The following NELFA variants were observed in gnomAD, a reference collection of about 807,000 sequenced individuals.
NELFA encodes negative elongation factor complex member A.
Under a neutral mutation model 51.8 loss-of-function variants are expected in NELFA, and 35 were observed. The observed-to-expected ratio is 0.68, with a 90% CI of 0.52 to 0.90. The LOEUF (loss-of-function observed/expected upper bound fraction) is 0.90. NELFA is among the 40% of genes least tolerant of loss of function. NELFA has a pLI of 0.00. For missense variants in NELFA, 658 were observed against 746.4 expected, an observed-to-expected ratio of 0.88 and a Z score of 1.38; for synonymous variants, 417 against 338.4, an observed-to-expected ratio of 1.23 and a Z score of -2.55.
chr4:2,005,078 G>T (rs1339082107), intron 1 of NELFA, among the ~76,000 whole-genome samples: 1 of 151,960 alleles, frequency 6.6e-6, no homozygotes, highest in East Asian at 1.9e-4. Flanking sequence ...AAAGTGCTGG[G>T]ATTACAGGTG....
In NELFA at chr4:1,984,879, G is replaced by A. The variant is rs369737355; in HGVS notation, c.965C>T (p.Thr322Met). 49 of 1,580,390 alleles carry A rather than the reference G, an allele frequency of 3.1e-5. No homozygotes were observed. Among genetic ancestry groups the A allele is most frequent in the South Asian group, 4.7e-5 (4 of 85,808 alleles). Residue 322 changes from threonine to methionine, a missense_variant, in exon 8 of 11, where the codon ACG (threonine) becomes ATG (methionine). Physicochemically the swap from Thr to Met is moderately conservative, Grantham distance 81 (BLOSUM62 -1). Around this residue, in one of 3 missense-constraint regions of NELFA, gnomAD observed 200 missense variants for 167.9 expected, o/e 1.19. Transcript: ENST00000382882. The part of the protein sequence containing the change: ...SLNNEPALPS[T>M]SYLPSTPSVV... Reference sequence around the variant, plus strand: ...GCTGGGCGTGGAGGGAAGGTAGCTCGTGGAGGGCAGCGCAGGCTCATTGTT... The same window carrying A: ...GCTGGGCGTGGAGGGAAGGTAGCTCATGGAGGGCAGCGCAGGCTCATTGTT...
At chr4:1,988,366 G>A (rs1560864474) in intron 3 of NELFA, among the ~76,000 whole-genome samples, 2 of 152,236 alleles carry the variant, frequency 1.3e-5, no homozygotes, top group Non-Finnish European at 2.9e-5. Flanking sequence ...CAGCAGGCAC[G>A]GTCTAGATAC....
At chr4:1,996,723 G>C (rs1409977058) in intron 1 of NELFA, among the ~76,000 whole-genome samples, 1 of 152,228 alleles carries the variant, frequency 6.6e-6, no homozygotes, top group East Asian at 1.9e-4. Context: ...CTTGAGGTCA[G>C]GAGCTTGAGA....
rs1191094588 is a variant in NELFA at position 1,991,537 on chromosome 4, A to C, written c.382+7T>G. On this transcript the variant is annotated splice_region_variant and intron_variant, in intron 2 of 10. Coordinates refer to ENST00000382882, the MANE Select transcript of NELFA (RefSeq NM_005663.5). ...CACCCAACATGAATTAAAGCAGCAC[A>C]ACATACCCTTTTCTCTAAGTTCTCC... 2.5e-6 allele frequency: 4 copies of C among 1,613,802 alleles called. No homozygotes were observed. The highest frequency in any genetic ancestry group is 3.4e-6 in the Non-Finnish European group (4 of 1,179,956).
intron 1 of NELFA, among the ~76,000 whole-genome samples, chr4:2,005,616 C>G (rs1172257082): frequency 2.0e-5 from 3 of 152,212 alleles, no homozygotes; most frequent in South Asian, 4.1e-4. Context: ...CACCTGAGCT[C>G]AGGAGGAGGA....
chr4:1,993,638 T>C (rs1345336013), intron 1 of NELFA, among the ~76,000 whole-genome samples: 2 of 151,592 alleles, frequency 1.3e-5, no homozygotes, highest in Non-Finnish European at 2.9e-5. Flanking sequence ...AGAAAATGCT[T>C]GGCTTACACA....
chr4:2,000,701 T>G (rs1390546712), intron 1 of NELFA, among the ~76,000 whole-genome samples: 1 of 152,196 alleles, frequency 6.6e-6, no homozygotes, highest in Non-Finnish European at 1.5e-5. Flanking sequence ...GACTCACAGC[T>G]GAATTCCACC....
Position 1,984,130 on chromosome 4 carries a change from G to T in NELFA, c.1037-17C>A. ...AAGATGGGGCTGCAAGTAGACCGGG[G>T]CCTGGTGAGGGGGCTGGACCCCCAC... On this transcript the variant is annotated splice_polypyrimidine_tract_variant and intron_variant, in intron 8 of 10. Coordinates refer to ENST00000382882, the MANE Select transcript of NELFA (RefSeq NM_005663.5). 2 of 1,528,446 alleles carry T rather than the reference G, an allele frequency of 1.3e-6. No individual in the cohort carries two copies. The highest frequency in any genetic ancestry group is 2.3e-5 in the East Asian group (1 of 43,510). 94.7% of individuals were successfully genotyped at this position (1,528,446 alleles called of 1,614,324 possible).
In NELFA at chr4:1,989,698, G is replaced by C; in HGVS notation, c.544+10C>G. 1 of 1,611,872 alleles carries C rather than the reference G, an allele frequency of 6.2e-7. No homozygotes were observed. The highest frequency in any genetic ancestry group is 8.5e-7 in the Non-Finnish European group (1 of 1,179,168). ...AAAGACAATGCCCGATGGCGGCCGC[G>C]GCCACTCACACTTCTGCAGCAGCTC... On this transcript the variant is annotated intron_variant, in intron 3 of 10. Transcript: ENST00000382882. This position sits in a 1 kb window ranked among gnomAD's most constrained non-coding sequence, Gnocchi z 4.8.
At chr4:1,990,448 AGT>A in intron 2 of NELFA, 1 of 456,706 alleles carries the variant, frequency 2.2e-6, no homozygotes, top group Non-Finnish European at 4.4e-6. Flanking sequence ...GGCACATGAG[AGT>A]TCACCGGCCT....
intron 2 of NELFA, chr4:1,990,476 C>A (rs774731001): frequency 3.1e-5 from 14 of 456,582 alleles, no homozygotes; most frequent in South Asian, 1.7e-4. Context: ...TTCCTGCCCG[C>A]GGGACACTCC....
rs373381035 is a variant in NELFA at position 1,986,498 on chromosome 4, C to T, written c.635-96G>A. On this transcript the variant is annotated intron_variant, in intron 4 of 10. Transcript: ENST00000382882. ...GTCCCACCCTCTTCTAGGCTAGCGC[C>T]GCAGAGGGGAAGGGCCAAACCCCTG... The T allele has an allele frequency of 2.2e-5, 34 of 1,570,892 alleles. No homozygotes were observed. In the African/African-American group the frequency reaches 2.3e-4, roughly 11 times the overall value.
chr4:1,990,011 G>C, intron 2 of NELFA, 142 bp from the exon 3 acceptor site: 2 of 891,274 alleles, frequency 2.2e-6, no homozygotes, highest in South Asian at 3.4e-5. Context: ...AGGTCCTCGA[G>C]ACTGACTCCC....
Position 1,983,629 on chromosome 4 carries a change from CCTTCTCGGGCCGCGTGA to C in NELFA, c.1352_1368del (p.Val451GlyfsTer41), listed in dbSNP as rs765032725. The stretch of plus-strand genomic sequence containing the variant: ...CCGGCCATGAAGCCCAGGATGAGGG[CCTTCTCGGGCCGCGTGA>C]CTTTGTTGGCCGTCTTGAACATCTC... On this transcript the variant is annotated frameshift_variant, in exon 10 of 11. Coordinates refer to ENST00000382882, the MANE Select transcript of NELFA (RefSeq NM_005663.5). LOFTEE classifies it high-confidence loss of function. The C allele has an allele frequency of 6.2e-7, 1 of 1,614,108 alleles. No individual in the cohort carries two copies. Among genetic ancestry groups the C allele is most frequent in the Non-Finnish European group, 8.5e-7 (1 of 1,180,000 alleles).
intron 1 of NELFA, among the ~76,000 whole-genome samples, chr4:1,997,354 A>G (rs1350440034): frequency 1.3e-5 from 2 of 152,266 alleles, no homozygotes; most frequent in African/African-American, 2.4e-5. Flanking sequence ...TGGGTAAGTA[A>G]AACTACAGGT....
chr4:1,988,946 GTTTT>G (rs35323893), intron 3 of NELFA, among the ~76,000 whole-genome samples: 18 of 136,680 alleles, frequency 1.3e-4, no homozygotes, highest in Admixed American at 5.2e-4. Flanking sequence ...AAGTTGGTGG[GTTTT>G]TTTTTTTTTT....
At chr4:2,002,992 A>C (rs1336148793) in intron 1 of NELFA, among the ~76,000 whole-genome samples, 1 of 152,230 alleles carries the variant, frequency 6.6e-6, no homozygotes, top group African/African-American at 2.4e-5. Context: ...CATCTGACAA[A>C]GGGCTAATAT....
At chr4:2,002,264 C>T (rs1728602810) in intron 1 of NELFA, among the ~76,000 whole-genome samples, 1 of 152,138 alleles carries the variant, frequency 6.6e-6, no homozygotes, top group Non-Finnish European at 1.5e-5. Context: ...ATTCCATCCT[C>T]GTGGATAGGA....
chr4:1,994,339 T>C (rs1233924742), intron 1 of NELFA, among the ~76,000 whole-genome samples: 1 of 150,864 alleles, frequency 6.6e-6, no homozygotes, highest in African/African-American at 2.4e-5. Context: ...CTAGGGCGGG[T>C]GGATCACTTG....
Sources: allele counts gnomAD v4.1 joint callset (sites outside exome capture counted in the v4.1 genomes callset), GRCh38; gene constraint gnomAD v4.1.1; regional missense constraint gnomAD v4.1.1; non-coding constraint Gnocchi (gnomAD v3.1); transcripts MANE v1.5; gene names NCBI Gene and HGNC (gene_info 2026-07-23, HGNC 2026-07-21).